Variants in ARHGAP42 observed in about 807,000 individuals in gnomAD.
The protein encoded by ARHGAP42 is rho GTPase-activating protein 42.
A neutral mutation model predicts 125.0 loss-of-function variants in ARHGAP42; 63 were observed. The ratio of observed to expected loss-of-function variants is 0.50; its 90% confidence interval spans 0.41 to 0.62. The LOEUF (loss-of-function observed/expected upper bound fraction) is 0.62. ARHGAP42 is among the 20% of genes least tolerant of loss of function. ARHGAP42 has a pLI of 0.00. For missense variants in ARHGAP42, 766 were observed against 1,024.2 expected (o/e 0.75, Z 3.44); for synonymous variants, 339 against 351.0 (o/e 0.97, Z 0.38).
chr11:100,908,380 T>C lies in ARHGAP42; in HGVS notation c.385-5072T>C, dbSNP rs527813346. ...AGTGTTCATTGTACCCAACAGGTAA[T>C]GTTTCATCCTTCACCTGCCTCCCAC... is the stretch of plus-strand genomic sequence containing the variant. On this transcript the variant is annotated intron_variant, in intron 4 of 23. Transcript: ENST00000298815. Among the ~76,000 whole-genome samples, 234 of 152,272 alleles carry C rather than the reference T, an allele frequency of 1.5e-3. 3 individuals are homozygous for C. The highest frequency in any genetic ancestry group is 3.4e-3 in the Middle Eastern group (1 of 294).
At chr11:100,907,143 T>C (rs1412249535) in intron 4 of ARHGAP42, among the ~76,000 whole-genome samples, 2 of 152,240 alleles carry the variant, frequency 1.3e-5, no homozygotes, top group Non-Finnish European at 2.9e-5. Context: ...TCTTAGCACA[T>C]GGCATCATTC....
At chr11:100,863,909 G>A (rs1170824965) in intron 4 of ARHGAP42, among the ~76,000 whole-genome samples, 1 of 152,098 alleles carries the variant, frequency 6.6e-6, no homozygotes, top group Non-Finnish European at 1.5e-5. Flanking sequence ...TCCACTATAG[G>A]AATATATCTG....
chr11:100,812,576 G>T (rs1020634998), intron 3 of ARHGAP42, among the ~76,000 whole-genome samples: 2 of 152,186 alleles, frequency 1.3e-5, no homozygotes, highest in Non-Finnish European at 2.9e-5. Flanking sequence ...ATCAAGGAAG[G>T]CCTCAGTGAG....
intron 1 of ARHGAP42, among the ~76,000 whole-genome samples, chr11:100,766,780 A>G (rs1862839777): frequency 6.6e-6 from 1 of 152,188 alleles, no homozygotes; most frequent in Non-Finnish European, 1.5e-5. Flanking sequence ...AAATGAGAAT[A>G]AATAGGAAGA....
intron 2 of ARHGAP42, among the ~76,000 whole-genome samples, chr11:100,789,633 G>A (rs180847458): frequency 1.3e-5 from 2 of 152,266 alleles, no homozygotes; most frequent in African/African-American, 2.4e-5. Context: ...CACCTAATGC[G>A]TCTTGCATGG....
At chr11:100,959,017 T>C (rs1830859995) in intron 12 of ARHGAP42, among the ~76,000 whole-genome samples, 1 of 152,072 alleles carries the variant, frequency 6.6e-6, no homozygotes, top group Non-Finnish European at 1.5e-5. Flanking sequence ...GGAAGTTAGT[T>C]TTAAATTTGT....
chr11:100,975,857 G>A (rs369527054), intron 19 of ARHGAP42, among the ~76,000 whole-genome samples, 200 bp from the exon 20 acceptor site: 15 of 152,224 alleles, frequency 9.9e-5, no homozygotes, highest in East Asian at 5.8e-4. Context: ...TGAAAAATAC[G>A]TTTGGCAAGT....
intron 1 of ARHGAP42, among the ~76,000 whole-genome samples, chr11:100,754,080 T>G (rs765344931): frequency 4.6e-5 from 7 of 152,246 alleles, no homozygotes; most frequent in Non-Finnish European, 7.3e-5. Context: ...TTGTAAATCT[T>G]TAACTTTAAT....
At chr11:100,968,574 T>A (rs1465018743) in intron 17 of ARHGAP42, among the ~76,000 whole-genome samples, 1 of 152,162 alleles carries the variant, frequency 6.6e-6, no homozygotes, top group Non-Finnish European at 1.5e-5. Context: ...TCCATTGTTA[T>A]AATTATTTAT....
chr11:100,768,000 G>T (rs1591164849), intron 1 of ARHGAP42, among the ~76,000 whole-genome samples: 1 of 152,170 alleles, frequency 6.6e-6, no homozygotes, highest in African/African-American at 2.4e-5. Flanking sequence ...TGACCTTCGT[G>T]TTTGGAGACC....
intron 1 of ARHGAP42, among the ~76,000 whole-genome samples, chr11:100,761,145 T>G (rs1591159114): frequency 6.6e-6 from 1 of 151,310 alleles, no homozygotes; most frequent in Admixed American, 6.6e-5. Flanking sequence ...AAAAAAAAGG[T>G]AAAGGAGATA....
At chr11:100,921,441 A>G in intron 5 of ARHGAP42, 53 bp from the exon 6 acceptor site, 11 of 1,278,218 alleles carry the variant, frequency 8.6e-6, no homozygotes, top group Non-Finnish European at 1.2e-5. Context: ...GCAGGAATTG[A>G]GTCCCTCTCT....
At chr11:100,984,312 T>C (rs1858619556) in intron 22 of ARHGAP42, among the ~76,000 whole-genome samples, 1 of 131,424 alleles carries the variant, frequency 7.6e-6, no homozygotes, top group Admixed American at 8.2e-5. Flanking sequence ...TGCTGCCTAA[T>C]ACTTCATTAG....
chr11:100,780,306 A>G (rs1477195258), intron 2 of ARHGAP42, among the ~76,000 whole-genome samples: 3 of 152,208 alleles, frequency 2.0e-5, no homozygotes, highest in African/African-American at 7.2e-5. Context: ...ACTTTTATCT[A>G]TGGTTAGTAA....
chr11:100,767,504 C>T (rs1264007454), intron 1 of ARHGAP42, among the ~76,000 whole-genome samples: 1 of 152,158 alleles, frequency 6.6e-6, no homozygotes, highest in African/African-American at 2.4e-5. Context: ...AGGGACAAAA[C>T]AGATTACCTT....
intron 3 of ARHGAP42, among the ~76,000 whole-genome samples, chr11:100,823,081 C>A (rs1225368530): frequency 2.0e-5 from 3 of 152,104 alleles, no homozygotes; most frequent in African/African-American, 7.2e-5. Context: ...TCTGGCTGAT[C>A]TCCACCCTGT....
At chr11:100,875,565 C>T (rs1692908132) in intron 4 of ARHGAP42, among the ~76,000 whole-genome samples, 2 of 152,282 alleles carry the variant, frequency 1.3e-5, no homozygotes, top group South Asian at 4.1e-4. Flanking sequence ...CTCAGCCACT[C>T]TCGGCCGAGA....
chr11:100,703,950 A>ATGTT (rs1861438292), intron 1 of ARHGAP42, among the ~76,000 whole-genome samples: 1 of 152,144 alleles, frequency 6.6e-6, no homozygotes, highest in South Asian at 2.1e-4. Context: ...TGATACACAG[A>ATGTT]TGTTTTGTAA....
At chr11:100,805,765 A>G (rs1006685096) in intron 3 of ARHGAP42, among the ~76,000 whole-genome samples, 6 of 152,088 alleles carry the variant, frequency 3.9e-5, no homozygotes, top group Non-Finnish European at 7.4e-5. Context: ...ACATTGCCAT[A>G]GCATTTATAA....
Sources: allele counts gnomAD v4.1 joint callset (sites outside exome capture counted in the v4.1 genomes callset), GRCh38; gene constraint gnomAD v4.1.1; transcripts MANE v1.5; gene names NCBI Gene and HGNC (gene_info 2026-07-23, HGNC 2026-07-21).